Variants in STXBP5L observed in about 807,000 individuals in gnomAD.
STXBP5L encodes syntaxin binding protein 5L.
In STXBP5L, 65 loss-of-function variants were observed where a neutral mutation model predicts 144.5. The ratio of observed to expected loss-of-function variants is 0.45; its 90% CI spans 0.37 to 0.55. The LOEUF (loss-of-function observed/expected upper bound fraction) is 0.55. Among genes scored for constraint, STXBP5L ranks in the 20% least tolerant of loss-of-function variants. The pLI is 0.00. For synonymous variants in STXBP5L, 505 were observed against 469.6 expected (o/e 1.08, Z -0.97); for missense variants, 1,298 against 1,405.5 (o/e 0.92, Z 1.22).
intron 9 of STXBP5L, among the ~76,000 whole-genome samples, chr3:121,159,625 TTC>T (rs2046242413): frequency 1.3e-5 from 2 of 149,376 alleles, no homozygotes; most frequent in African/African-American, 4.9e-5. Flanking sequence ...AATGTACATT[TTC>T]TTTTTTTTTT....
At chr3:121,059,307 C>G (rs1948660750) in intron 5 of STXBP5L, among the ~76,000 whole-genome samples, 2 of 151,902 alleles carry the variant, frequency 1.3e-5, no homozygotes, top group Admixed American at 1.3e-4. Flanking sequence ...ATTTCTGAGG[C>G]CTCTGTTGTG....
intron 3 of STXBP5L, among the ~76,000 whole-genome samples, chr3:121,004,585 A>G (rs939027902): frequency 2.0e-5 from 3 of 151,854 alleles, no homozygotes; most frequent in African/African-American, 7.3e-5. Context: ...TTCCAACACT[A>G]TGTTGAATAG....
chr3:121,132,217 T>C (rs2045024005), intron 7 of STXBP5L, among the ~76,000 whole-genome samples: 1 of 152,136 alleles, frequency 6.6e-6, no homozygotes. Context: ...AGAGGACAGA[T>C]GAAAAATCCC....
chr3:121,337,110 G>C (rs552877110), intron 20 of STXBP5L, among the ~76,000 whole-genome samples: 1 of 152,118 alleles, frequency 6.6e-6, no homozygotes, highest in Admixed American at 6.6e-5. Context: ...TGGTGGGTGG[G>C]AGGAGGGAGA....
At position 121,041,881 on chromosome 3, in the gene STXBP5L, T is replaced by C. The variant is rs1012656253; in HGVS notation, c.369+100T>C. ...AATACTGTGATTCTAAATGCTTAAA[T>C]ATATATGCATGCAATATTACTTCTG... On this transcript the variant is annotated intron_variant, in intron 4 of 26. Transcript: ENST00000471454. The C allele has an allele frequency of 1.1e-5, 8 of 744,128 alleles. No homozygotes were observed. The Admixed American group carries it at 1.5e-4, about 14-fold the overall frequency. 46.1% of individuals were successfully genotyped at this position (744,128 alleles called of 1,614,324 possible). A position where few individuals can be genotyped will look rare whatever the true frequency, so the allele number is the denominator to read the frequency against.
intron 22 of STXBP5L, among the ~76,000 whole-genome samples, chr3:121,393,778 TC>T (rs2046656139): frequency 6.6e-6 from 1 of 152,244 alleles, no homozygotes; most frequent in Non-Finnish European, 1.5e-5. Flanking sequence ...TCTATTCTCT[TC>T]CATTTATCTA....
At chr3:121,267,315 A>G (rs1460682983) in intron 18 of STXBP5L, among the ~76,000 whole-genome samples, 1 of 152,252 alleles carries the variant, frequency 6.6e-6, no homozygotes, top group Non-Finnish European at 1.5e-5. Flanking sequence ...TGGTGAAAGA[A>G]TTCCCTATTT....
At chr3:120,936,111 T>C (rs1273998543) in intron 2 of STXBP5L, among the ~76,000 whole-genome samples, 1 of 152,178 alleles carries the variant, frequency 6.6e-6, no homozygotes, top group Non-Finnish European at 1.5e-5. Context: ...CTCACTCTTT[T>C]CTTTCTTCAG....
rs757059848 is a variant in STXBP5L at position 121,407,667 on chromosome 3, AAT to A, written c.2948+69_2948+70del. 3.1e-6 allele frequency: 5 copies of A among 1,595,736 alleles called. No individual in the cohort carries two copies. In the Admixed American group the frequency reaches 5.1e-5, roughly 16 times the overall value. On this transcript the variant is annotated intron_variant, in intron 23 of 26. Coordinates refer to ENST00000471454, the MANE Select transcript of STXBP5L (RefSeq NM_001308330.2). The stretch of plus-strand genomic sequence containing the variant: ...ATACCAGCAAGGTACAATCCTAAAA[AAT>A]ATATGTGTTATGTGCAGATGTTATC...
At chr3:121,188,402 A>G (rs2047490489) in intron 9 of STXBP5L, among the ~76,000 whole-genome samples, 1 of 152,178 alleles carries the variant, frequency 6.6e-6, no homozygotes. Context: ...CTGCTCAACT[A>G]CATGGAAACT....
intron 9 of STXBP5L, among the ~76,000 whole-genome samples, chr3:121,174,171 G>T (rs927065680): frequency 6.6e-6 from 1 of 152,010 alleles, no homozygotes. Flanking sequence ...GTTTAATACT[G>T]CATCTTTACA....
At chr3:120,970,318 G>T (rs1940101294) in intron 3 of STXBP5L, among the ~76,000 whole-genome samples, 2 of 151,878 alleles carry the variant, frequency 1.3e-5, no homozygotes, top group South Asian at 4.1e-4. Flanking sequence ...TTATACACTA[G>T]TGCCCATTTA....
In STXBP5L at chr3:121,423,718, A is replaced by C. The variant is rs2047401614; in HGVS notation, c.*4621A>C. 1 of 152,220 alleles carries C rather than the reference A, an allele frequency of 6.6e-6. No individual in the cohort carries two copies. The highest frequency in any genetic ancestry group is 6.5e-5 in the Admixed American group (1 of 15,278). 9.4% of individuals were successfully genotyped at this position (152,220 alleles called of 1,614,324 possible). The stretch of plus-strand genomic sequence containing the variant: ...CGGTTCTAATGTCCAGCCAAAGTTG[A>C]TTATCACTGCTTTATGGCCAACTAA... On this transcript the variant is annotated 3_prime_UTR_variant, in exon 27 of 27. Coordinates refer to ENST00000471454, the MANE Select transcript of STXBP5L (RefSeq NM_001308330.2).
intron 5 of STXBP5L, among the ~76,000 whole-genome samples, chr3:121,058,788 C>T (rs944207307): frequency 1.3e-5 from 2 of 152,098 alleles, no homozygotes; most frequent in Non-Finnish European, 2.9e-5. Context: ...TGAGGAGTGT[C>T]TGTTCATATC....
Position 120,930,021 on chromosome 3 carries a change from C to A in STXBP5L, c.189+20254C>A, listed in dbSNP as rs112955472. Among the ~76,000 whole-genome samples, 843 of 151,500 alleles carry A rather than the reference C, an allele frequency of 5.6e-3. 7 individuals carry two copies. The highest frequency in any genetic ancestry group is 0.019 in the African/African-American group (789 of 41,374). ...CTGTTATAGTTTTGTAAAATTTTTC[C>A]CAGTTCATTATTTGCATCTTGTTCA... On this transcript the variant is annotated intron_variant, in intron 2 of 26. Transcript: ENST00000471454.
chr3:120,912,445 TA>T (rs1031399998), intron 2 of STXBP5L, among the ~76,000 whole-genome samples: 20 of 152,022 alleles, frequency 1.3e-4, no homozygotes, highest in Admixed American at 2.6e-4. Context: ...AGCCAATTGA[TA>T]AAAAAACTTT....
At chr3:121,092,439 A>T (rs1347649362) in intron 5 of STXBP5L, among the ~76,000 whole-genome samples, 3 of 151,970 alleles carry the variant, frequency 2.0e-5, no homozygotes, top group Non-Finnish European at 4.4e-5. Flanking sequence ...TATCCTCTTT[A>T]AGTTCATTGA....
rs1428021043 is a variant in STXBP5L at position 121,416,052 on chromosome 3, A to AAT, written c.3226+87_3226+88dup. ...TGTATTTGTGTGTGTAACTTAATGT[A>AAT]ATATGTGATCTCAAATTCTAGACTA... On this transcript the variant is annotated intron_variant, in intron 25 of 26. Transcript: ENST00000471454. The AAT allele has an allele frequency of 1.4e-5, 14 of 1,010,740 alleles. No homozygotes were observed. In the East Asian group the frequency reaches 3.6e-4, roughly 26 times the overall value. 62.6% of individuals were successfully genotyped at this position (1,010,740 alleles called of 1,614,324 possible).
At chr3:121,327,183 C>T (rs1371993346) in intron 20 of STXBP5L, among the ~76,000 whole-genome samples, 4 of 152,092 alleles carry the variant, frequency 2.6e-5, no homozygotes, top group African/African-American at 7.2e-5. Flanking sequence ...TACGAATATA[C>T]AGATGATTGA....
Sources: allele counts gnomAD v4.1 joint callset (sites outside exome capture counted in the v4.1 genomes callset), GRCh38; gene constraint gnomAD v4.1.1; transcripts MANE v1.5; gene names NCBI Gene and HGNC (gene_info 2026-07-23, HGNC 2026-07-21).